RAB42: variants seen among roughly 807,000 people sequenced by gnomAD.
The protein encoded by RAB42 is RAB42, member RAS oncogene family.
Under a neutral mutation model 7.5 loss-of-function variants are expected in RAB42, and 4 were observed. The ratio of observed to expected loss-of-function variants is 0.53; its 90% CI spans 0.26 to 1.22. The LOEUF (loss-of-function observed/expected upper bound fraction) is 1.22. Ranked by LOEUF, RAB42 falls within the 50% of genes most tolerant of loss-of-function variation. The probability of loss-of-function intolerance (pLI) is 0.13; values close to 1 mark genes in which losing one functional copy is unlikely to be tolerated. For missense variants in RAB42, 208 were observed against 281.2 expected, an observed-to-expected ratio of 0.74 and a Z score of 1.86; for synonymous variants, 82 against 129.0, an observed-to-expected ratio of 0.64 and a Z score of 2.47.
chr1:28,593,635 G>A, intron 1 of RAB42, 59 bp from the exon 2 acceptor site: 1 of 1,469,912 alleles, frequency 6.8e-7, no homozygotes, highest in Non-Finnish European at 9.1e-7. Context: ...CTGCCTCTGG[G>A]GGTGTCATGG....
downstream of RAB42, chr1:28,595,576 G>A (rs1343763358): frequency 6.5e-6 from 1 of 153,078 alleles, no homozygotes; most frequent in Non-Finnish European, 1.5e-5. Flanking sequence ...CTCAGCAGGT[G>A]TAGGGCTTAG....
intron 1 of RAB42, among the ~76,000 whole-genome samples, chr1:28,593,209 CT>C (rs1233543124): frequency 8.0e-4 from 117 of 145,344 alleles, no homozygotes; most frequent in East Asian, 1.2e-3. Context: ...TTTTTCTTTT[CT>C]TTTTTTTTTT....
At position 28,593,676 on chromosome 1, in the gene RAB42, A is replaced by C. The variant is rs1449802488; in HGVS notation, c.234-18A>C. On this transcript the variant is annotated intron_variant, in intron 1 of 1. Coordinates refer to ENST00000465518, the MANE Select transcript of RAB42 (RefSeq NM_001193532.3). ...TCAGCCTCTCCCAGCTTACCTTTCCACCTCCCTGCCTCCCCAGGTGCATCA... is the reference window on the plus strand; with the variant it reads ...TCAGCCTCTCCCAGCTTACCTTTCCCCCTCCCTGCCTCCCCAGGTGCATCA... The C allele has an allele frequency of 2.6e-6, 4 of 1,520,446 alleles. No homozygotes were observed. Among genetic ancestry groups the C allele is most frequent in the Middle Eastern group, 1.7e-4 (1 of 5,878 alleles). The allele number at this position is 1,520,446 out of a possible 1,614,324, so 94.2% of individuals were successfully genotyped here.
Position 28,594,209 on chromosome 1 carries a change from A to G in RAB42, c.*92A>G. On this transcript the variant is annotated 3_prime_UTR_variant, in exon 2 of 2. Transcript: ENST00000465518. ...ATCTCTCTGGAGGACAAATGACAGAAGGGTTCATATAAACAGTATCCTGAC... is the reference window on the plus strand; with the variant it reads ...ATCTCTCTGGAGGACAAATGACAGAGGGGTTCATATAAACAGTATCCTGAC... 2 of 1,214,666 alleles carry G rather than the reference A, an allele frequency of 1.6e-6. No individual in the cohort carries two copies. The highest frequency in any genetic ancestry group is 3.2e-5 in the South Asian group (2 of 63,334). 75.2% of individuals were successfully genotyped at this position (1,214,666 alleles called of 1,614,324 possible).
chr1:28,594,158 C>T lies in RAB42; in HGVS notation c.*41C>T. 1 of 1,509,738 alleles carries T rather than the reference C, an allele frequency of 6.6e-7. No homozygotes were observed. The highest frequency in any genetic ancestry group is 8.9e-7 in the Non-Finnish European group (1 of 1,125,888). The allele number at this position is 1,509,738 out of a possible 1,614,324, so 93.5% of individuals were successfully genotyped here. ...GGTTAAAGCAGTCCCAGCCTTAGCC[C>T]ACCTGGTGGGATGGGGAGTGTTAAT... On this transcript the variant is annotated 3_prime_UTR_variant, in exon 2 of 2. Transcript: ENST00000465518.
rs1666350141 is a variant in RAB42, at chr1:28,592,868, T to A, written c.233+124T>A. On this transcript the variant is annotated intron_variant, in intron 1 of 1. Coordinates refer to ENST00000465518, the MANE Select transcript of RAB42 (RefSeq NM_001193532.3). The surrounding 1 kb of genome is among the most constrained non-coding windows in gnomAD (Gnocchi z 4.1). ...CGGAGGGCGAGGTCCCTGCCCTGGG[T>A]CCCGCCCGGTCCACTGGGGCCAGAA... 1 of 414,644 alleles carries A rather than the reference T, an allele frequency of 2.4e-6. No homozygotes were observed. Among genetic ancestry groups the A allele is most frequent in the Admixed American group, 4.5e-5 (1 of 22,264 alleles). 25.7% of individuals were successfully genotyped at this position (414,644 alleles called of 1,614,324 possible).
In RAB42 at chr1:28,592,796, G is replaced by A. The variant is rs1666348331; in HGVS notation, c.233+52G>A. On this transcript the variant is annotated intron_variant, in intron 1 of 1. Transcript: ENST00000465518. The surrounding 1 kb of genome is among the most constrained non-coding windows in gnomAD (Gnocchi z 4.1). ...ACTTCTGGTGGGGGGCTCGGTGAGCGTGCTTTAGGCCACGGCAACTCCCGA... is the reference window on the plus strand; with the variant it reads ...ACTTCTGGTGGGGGGCTCGGTGAGCATGCTTTAGGCCACGGCAACTCCCGA... The A allele has an allele frequency of 3.2e-6, 3 of 947,094 alleles. No homozygotes were observed. Among genetic ancestry groups the A allele is most frequent in the South Asian group, 1.1e-4 (2 of 18,418 alleles). The allele number at this position is 947,094 out of a possible 1,614,324, so 58.7% of individuals were successfully genotyped here.
Position 28,594,004 on chromosome 1 carries a change from C to A in RAB42, c.544C>A (p.Gln182Lys). 6.2e-7 allele frequency: 1 copy of A among 1,613,948 alleles called. No homozygotes were observed. The highest frequency in any genetic ancestry group is 8.5e-7 in the Non-Finnish European group (1 of 1,179,868). ...TLADAIQQALQQGDIKLEEGW... is the reference protein window; with the variant it reads ...TLADAIQQALKQGDIKLEEGW... ...CGCTGATGCTATCCAGCAGGCCCTG[C>A]AGCAGGGGGACATCAAGCTAGAAGA... Residue 182 changes from glutamine to lysine, a missense_variant, in exon 2 of 2, where the codon CAG (glutamine) becomes AAG (lysine). By Grantham distance (53) the Gln-to-Lys change is moderately conservative. Transcript: ENST00000465518.
rs1373992246 is a variant in RAB42, at chr1:28,592,445, C to T, written c.-67C>T. The T allele has an allele frequency of 3.4e-5, 29 of 847,180 alleles. No homozygotes were observed. The East Asian group carries it at 1.1e-3, about 31-fold the overall frequency. 52.5% of individuals were successfully genotyped at this position (847,180 alleles called of 1,614,324 possible). A position where few individuals can be genotyped will look rare whatever the true frequency, so the allele number is the denominator to read the frequency against. On this transcript the variant is annotated 5_prime_UTR_variant, in exon 1 of 2. Transcript: ENST00000465518. This position sits in a 1 kb window ranked among gnomAD's most constrained non-coding sequence, Gnocchi z 4.1. ...GAGCGGGGGGCGGCGCCGGCGGGGC[C>T]CCGGGCAGGGGCGGGGTCGGGGCGC...
In RAB42 at chr1:28,595,199, G is replaced by A. The variant is rs2124272862; in HGVS notation, c.*1082G>A. 6.0e-6 allele frequency: 1 copy of A among 167,156 alleles called. No individual in the cohort carries two copies. Among genetic ancestry groups the A allele is most frequent in the Non-Finnish European group, 1.5e-5 (1 of 68,116 alleles). The allele number at this position is 167,156 out of a possible 1,614,324, so 10.4% of individuals were successfully genotyped here. On this transcript the variant is annotated 3_prime_UTR_variant, in exon 2 of 2. Transcript: ENST00000465518. ...TCAGCTTGCCCCACTCTCTGGGAAA[G>A]GCCCTCCCTTCAGGGCAGCTTGTAT...
chr1:28,593,522 C>A (rs897480088), intron 1 of RAB42, among the ~76,000 whole-genome samples, 172 bp from the exon 2 acceptor site: 2 of 152,126 alleles, frequency 1.3e-5, no homozygotes, highest in Non-Finnish European at 2.9e-5. Flanking sequence ...AGCACCCAGA[C>A]TGTTAGGAGA....
chr1:28,592,819 C>A lies in RAB42; in HGVS notation c.233+75C>A. 1 of 687,550 alleles carries A rather than the reference C, an allele frequency of 1.5e-6. No individual in the cohort carries two copies. The highest frequency in any genetic ancestry group is 2.0e-6 in the Non-Finnish European group (1 of 492,762). The allele number at this position is 687,550 out of a possible 1,614,324, so 42.6% of individuals were successfully genotyped here. A position where few individuals can be genotyped will look rare whatever the true frequency, so the allele number is the denominator to read the frequency against. On this transcript the variant is annotated intron_variant, in intron 1 of 1. Coordinates refer to ENST00000465518, the MANE Select transcript of RAB42 (RefSeq NM_001193532.3). This position sits in a 1 kb window ranked among gnomAD's most constrained non-coding sequence, Gnocchi z 4.1. ...GCGTGCTTTAGGCCACGGCAACTCC[C>A]GAGAGGCCAACTCAGAGGTCAGGCG...
chr1:28,595,656 C>G (rs1666420724), downstream of RAB42, among the ~76,000 whole-genome samples: 1 of 152,218 alleles, frequency 6.6e-6, no homozygotes, highest in South Asian at 2.1e-4. Context: ...CCTGTAATCC[C>G]AGCACTTTCG....
In RAB42 at chr1:28,592,707, C is replaced by T; in HGVS notation, c.196C>T (p.Leu66=). The change falls in exon 1 of 2, where the codon CTG becomes TTG. Residue 66 remains leucine, a synonymous_variant. Coordinates refer to ENST00000465518, the MANE Select transcript of RAB42 (RefSeq NM_001193532.3). The surrounding 1 kb of genome is among the most constrained non-coding windows in gnomAD (Gnocchi z 4.1). ...LQLRAGPRVK[L]QLWDTAGHER... is the part of the protein sequence containing the mutation. ...GCTGCGGGCCGGGCCGCGGGTCAAG[C>T]TGCAACTCTGGGACACCGCGGGCCA... 8.1e-7 allele frequency: 1 copy of T among 1,230,064 alleles called. No individual in the cohort carries two copies. The highest frequency in any genetic ancestry group is 3.2e-5 in the East Asian group (1 of 31,588). 76.2% of individuals were successfully genotyped at this position (1,230,064 alleles called of 1,614,324 possible).
At position 28,593,817 on chromosome 1, in the gene RAB42, G is replaced by C; in HGVS notation, c.357G>C (p.Pro119=). The change falls in exon 2 of 2, where the codon CCG becomes CCC. Residue 119 remains proline (P), a synonymous_variant. Coordinates refer to ENST00000465518, the MANE Select transcript of RAB42 (RefSeq NM_001193532.3). ...AGGAGGTCATGGCCACTCAGGGCCC[G>C]GACAAGGTCATCTTCCTGCTGGTTG... ...WHQEVMATQG[P]DKVIFLLVGH... 6.4e-7 allele frequency: 1 copy of C among 1,568,672 alleles called. No individual in the cohort carries two copies. Among genetic ancestry groups the C allele is most frequent in the South Asian group, 1.2e-5 (1 of 85,918 alleles).
chr1:28,595,787 A>C (rs1048770014), downstream of RAB42, among the ~76,000 whole-genome samples: 1 of 152,128 alleles, frequency 6.6e-6, no homozygotes, highest in African/African-American at 2.4e-5. Flanking sequence ...CATGCCTGTA[A>C]TCCCAGCACT....
chr1:28,595,756 A>T (rs965860242), downstream of RAB42, among the ~76,000 whole-genome samples: 1 of 152,054 alleles, frequency 6.6e-6, no homozygotes, highest in East Asian at 1.9e-4. Flanking sequence ...AAAATACAAA[A>T]ATTAGCTGGG....
chr1:28,592,758 G>C lies in RAB42; in HGVS notation c.233+14G>C. The C allele has an allele frequency of 8.5e-7, 1 of 1,183,016 alleles. No homozygotes were observed. The highest frequency in any genetic ancestry group is 1.1e-6 in the Non-Finnish European group (1 of 943,734). 73.3% of individuals were successfully genotyped at this position (1,183,016 alleles called of 1,614,324 possible). On this transcript the variant is annotated intron_variant, in intron 1 of 1. Coordinates refer to ENST00000465518, the MANE Select transcript of RAB42 (RefSeq NM_001193532.3). The surrounding 1 kb of genome is among the most constrained non-coding windows in gnomAD (Gnocchi z 4.1). The stretch of plus-strand genomic sequence containing the variant: ...CGAGCGCTTCAGGTGCGGGTAGCCG[G>C]GGCGCGGGAGGGACTTCTGGTGGGG...
At position 28,592,399 on chromosome 1, in the gene RAB42, G is replaced by C. The variant is rs1666329978; in HGVS notation, c.-113G>C. ...GTCCGACGCCCTCGGTGCCCCGCCG[G>C]GTACGGTGGCTGGGCGCGGGGAGCG... is the stretch of plus-strand genomic sequence containing the variant. On this transcript the variant is annotated 5_prime_UTR_variant, in exon 1 of 2. Transcript: ENST00000465518. The surrounding 1 kb of genome is among the most constrained non-coding windows in gnomAD (Gnocchi z 4.1). 1 of 358,264 alleles carries C rather than the reference G, an allele frequency of 2.8e-6. No individual in the cohort carries two copies. Among genetic ancestry groups the C allele is most frequent in the South Asian group, 1.1e-4 (1 of 8,726 alleles). 22.2% of individuals were successfully genotyped at this position (358,264 alleles called of 1,614,324 possible). A position where few individuals can be genotyped will look rare whatever the true frequency, so the allele number is the denominator to read the frequency against.
Sources: allele counts gnomAD v4.1 joint callset (sites outside exome capture counted in the v4.1 genomes callset), GRCh38; gene constraint gnomAD v4.1.1; non-coding constraint Gnocchi (gnomAD v3.1); transcripts MANE v1.5; gene names NCBI Gene and HGNC (gene_info 2026-07-23, HGNC 2026-07-21).